The following OTOA variants were observed in gnomAD, a reference collection of about 807,000 sequenced individuals.
The protein encoded by OTOA is cancer/testis antigen 108.
OTOA carries 70 observed loss-of-function variants against 110.8 expected under a neutral mutation model. The ratio of observed to expected loss-of-function variants is 0.63; its 90% CI spans 0.52 to 0.77. The LOEUF is 0.77. Ranked by LOEUF, OTOA falls within the 30% of genes least tolerant of loss-of-function variation. The probability of loss-of-function intolerance (pLI) is 0.00; values close to 1 mark genes in which losing one functional copy is unlikely to be tolerated. For synonymous variants in OTOA, 373 were observed against 431.5 expected, an observed-to-expected ratio of 0.86 and a Z score of 1.68; for missense variants, 917 against 1,075.8, an observed-to-expected ratio of 0.85 and a Z score of 2.06.
chr16:21,735,878 G>A (rs957669982), intron 21 of OTOA, among the ~76,000 whole-genome samples: 4 of 152,178 alleles, frequency 2.6e-5, no homozygotes, highest in Admixed American at 6.5e-5. Flanking sequence ...ACAGGTATGA[G>A]CCACCACACC....
At chr16:21,735,902 A>G (rs61444703) in intron 21 of OTOA, among the ~76,000 whole-genome samples, 21,542 of 152,002 alleles carry the variant, frequency 0.14, 2,091 homozygotes, top group South Asian at 0.28. Flanking sequence ...CCTAACCTAC[A>G]TTTTTTGTCG....
At chr16:21,704,794 C>G (rs1035162797) in intron 11 of OTOA, among the ~76,000 whole-genome samples, 27 of 151,802 alleles carry the variant, frequency 1.8e-4, no homozygotes, top group African/African-American at 6.0e-4. Context: ...GAGCTGGGGA[C>G]TGGGGCAGGT....
chr16:21,679,055 GCTAT>G lies in OTOA; in HGVS notation c.143_146del (p.Tyr48Ter). 6.2e-7 allele frequency: 1 copy of G among 1,614,038 alleles called. No homozygotes were observed. The highest frequency in any genetic ancestry group is 8.5e-7 in the Non-Finnish European group (1 of 1,179,976). The stretch of plus-strand genomic sequence containing the variant: ...TTTTAGGAAGAAATAATAGATGGAA[GCTAT>G]CTGAATGGTAATGTGCCCCCTTGAT... On this transcript the variant is annotated frameshift_variant, in exon 4 of 29. Coordinates refer to ENST00000646100, the MANE Select transcript of OTOA (RefSeq NM_144672.4). LOFTEE classifies it high-confidence loss of function.
intron 28 of OTOA, among the ~76,000 whole-genome samples, chr16:21,759,045 A>G (rs2242550): frequency 0.14 from 21,509 of 151,934 alleles, 2,025 homozygotes; most frequent in East Asian, 0.27. Flanking sequence ...TTGAAATATG[A>G]TATGCATATA....
intron 17 of OTOA, 63 bp from the exon 18 acceptor site, chr16:21,722,842 G>A: frequency 6.9e-7 from 1 of 1,446,192 alleles, no homozygotes; most frequent in South Asian, 1.1e-5. Flanking sequence ...CTGGCACATG[G>A]AAAGCACTGT....
At chr16:21,731,152 C>T (rs1217454291) in intron 21 of OTOA, among the ~76,000 whole-genome samples, 1 of 152,070 alleles carries the variant, frequency 6.6e-6, no homozygotes, top group African/African-American at 2.4e-5. Flanking sequence ...TGTGGCCCCC[C>T]AGGCAGATGT....
Position 21,675,059 on chromosome 16 carries a change from T to C in OTOA, c.-4-3452T>C, listed in dbSNP as rs187589914. 3.1e-4 allele frequency among the ~76,000 whole-genome samples: 41 copies of C among 131,394 alleles called. 1 individual carries two copies. In the East Asian group the frequency reaches 7.5e-3, roughly 24 times the overall value. The allele number at this position is 131,394 out of a possible 152,430, so 86.2% of individuals were successfully genotyped here. On this transcript the variant is annotated intron_variant, in intron 1 of 28. Transcript: ENST00000646100. The stretch of plus-strand genomic sequence containing the variant: ...ATTTGGTCATGAGGTCATGTTTTCT[T>C]TCTGTCTTTCTTTCTTTCTTTCTTT...
At chr16:21,667,303 A>G (rs1966842110) in intron 1 of OTOA, among the ~76,000 whole-genome samples, 1 of 152,188 alleles carries the variant, frequency 6.6e-6, no homozygotes, top group South Asian at 2.1e-4. Flanking sequence ...CCCTTGGGGG[A>G]AAAATAATCC....
intron 11 of OTOA, chr16:21,704,824 G>A: frequency 4.1e-6 from 3 of 728,354 alleles, no homozygotes; most frequent in Non-Finnish European, 5.1e-6. Context: ...GGAGGGTAAT[G>A]AGACTTGATC....
chr16:21,699,178 T>C (rs1272260114), intron 10 of OTOA, among the ~76,000 whole-genome samples: 1 of 152,090 alleles, frequency 6.6e-6, no homozygotes, highest in Non-Finnish European at 1.5e-5. Context: ...CTTGAACTCT[T>C]GACCTCAGGT....
At chr16:21,669,005 A>C (rs1467648152) in intron 1 of OTOA, among the ~76,000 whole-genome samples, 1 of 151,818 alleles carries the variant, frequency 6.6e-6, no homozygotes, top group Admixed American at 6.6e-5. Flanking sequence ...TTTCTCCGTA[A>C]ATTTACTTTC....
At chr16:21,720,718 G>C (rs1056278782) in intron 17 of OTOA, among the ~76,000 whole-genome samples, 1 of 152,122 alleles carries the variant, frequency 6.6e-6, no homozygotes, top group African/African-American at 2.4e-5. Flanking sequence ...TGCCCAGGTG[G>C]GCAAGCCAAT....
rs531730444 is a variant in OTOA, at chr16:21,676,555, T to C, written c.-4-1956T>C. 2.6e-5 allele frequency among the ~76,000 whole-genome samples: 4 copies of C among 152,312 alleles called. No homozygotes were observed. The East Asian group carries it at 7.7e-4, about 29-fold the overall frequency. On this transcript the variant is annotated intron_variant, in intron 1 of 28. Transcript: ENST00000646100. ...TTCCATTGCAGCTTGCAGGAGCTATTCTCATTCCCCTGTGAGGTCCAAGGA... is the reference window on the plus strand; with the variant it reads ...TTCCATTGCAGCTTGCAGGAGCTATCCTCATTCCCCTGTGAGGTCCAAGGA...
intron 9 of OTOA, among the ~76,000 whole-genome samples, chr16:21,697,067 G>A (rs1897958859): frequency 9.0e-6 from 1 of 110,748 alleles, no homozygotes; most frequent in Non-Finnish European, 1.8e-5. Context: ...TTTTTGTAGC[G>A]ATGAGGGTCT....
chr16:21,722,333 G>GAT (rs926770601), intron 17 of OTOA, among the ~76,000 whole-genome samples: 15 of 146,190 alleles, frequency 1.0e-4, no homozygotes, highest in African/African-American at 1.7e-4. Context: ...ATATAGCTAA[G>GAT]ATATATATAT....
At chr16:21,686,086 C>G (rs1897706046) in intron 7 of OTOA, among the ~76,000 whole-genome samples, 1 of 152,122 alleles carries the variant, frequency 6.6e-6, no homozygotes, top group Admixed American at 6.6e-5. Flanking sequence ...AGCAAGGCCT[C>G]TGAGACCTTA....
chr16:21,664,280 C>G (rs1966823641), intron 1 of OTOA, 48 bp downstream of exon 1: 1 of 152,274 alleles, frequency 6.6e-6, no homozygotes, highest in Non-Finnish European at 1.5e-5. Context: ...GGGCAAAGCG[C>G]TGGGGGAGCG....
chr16:21,750,364 G>A, intron 24 of OTOA, among the ~76,000 whole-genome samples: 1 of 123,508 alleles, frequency 8.1e-6, no homozygotes, highest in Non-Finnish European at 1.7e-5. Context: ...AGTGAGCAGA[G>A]ATCATGCCGC....
chr16:21,714,586 A>G (rs1363885826), intron 13 of OTOA, among the ~76,000 whole-genome samples: 1 of 151,182 alleles, frequency 6.6e-6, no homozygotes. Flanking sequence ...ATCTCAGCTC[A>G]CTGCAACCTC....
Sources: gnomAD v4.1 joint callset for allele counts (sites outside exome capture counted in the v4.1 genomes callset) on GRCh38, gnomAD v4.1.1 for gene constraint, MANE v1.5 for transcripts, NCBI Gene and HGNC (gene_info 2026-07-23, HGNC 2026-07-21) for gene names.